Variants in SLAMF1 observed in about 807,000 individuals in gnomAD.
SLAMF1 encodes signaling lymphocytic activation molecule family member 1, also known as signaling lymphocytic activation molecule.
A neutral mutation model predicts 35.1 loss-of-function variants in SLAMF1; 18 were observed. The ratio of observed to expected loss-of-function variants is 0.51; its 90% CI spans 0.35 to 0.76. The LOEUF is 0.76. Among genes scored for constraint, SLAMF1 ranks in the 30% least tolerant of loss-of-function variants. The pLI is 0.01. For missense variants in SLAMF1, 392 were observed against 413.0 expected (o/e 0.95, Z 0.44); for synonymous variants, 168 against 157.2 (o/e 1.07, Z -0.51).
intron 3 of SLAMF1, among the ~76,000 whole-genome samples, chr1:160,629,014 A>G (rs776367010): frequency 3.3e-5 from 5 of 152,182 alleles, no homozygotes; most frequent in Non-Finnish European, 7.3e-5. Flanking sequence ...GGGGTCTAGA[A>G]GCTCCTGACT....
intron 5 of SLAMF1, among the ~76,000 whole-genome samples, chr1:160,619,480 C>G (rs1659490098): frequency 6.6e-6 from 1 of 152,204 alleles, no homozygotes. Flanking sequence ...AAATAATTGA[C>G]TAACATGGAA....
intron 1 of SLAMF1, 122 bp from the exon 2 acceptor site, chr1:160,637,651 C>T: frequency 1.5e-6 from 1 of 678,114 alleles, no homozygotes; most frequent in Non-Finnish European, 2.5e-6. Context: ...CCTGGGGTTG[C>T]CAAGTCCTTC....
rs984357235 is a variant in SLAMF1, at chr1:160,608,133, T to C, written c.*2615A>G. The C allele has an allele frequency of 6.6e-6, 1 of 152,262 alleles. No homozygotes were observed. Among genetic ancestry groups the C allele is most frequent in the African/African-American group, 2.4e-5 (1 of 41,470 alleles). The allele number at this position is 152,262 out of a possible 1,614,324, so 9.4% of individuals were successfully genotyped here. A position where few individuals can be genotyped will look rare whatever the true frequency, so the allele number is the denominator to read the frequency against. On this transcript the variant is annotated 3_prime_UTR_variant, in exon 7 of 7. Coordinates refer to ENST00000302035, the MANE Select transcript of SLAMF1 (RefSeq NM_003037.5). Reference sequence around the variant, plus strand: ...TCCTTGATGGACTGGCTGTAATTTATTCATTTCCAAAAAGTAGAAACATAA... The same window carrying C: ...TCCTTGATGGACTGGCTGTAATTTACTCATTTCCAAAAAGTAGAAACATAA...
chr1:160,633,616 C>A (rs929812273), intron 3 of SLAMF1, among the ~76,000 whole-genome samples: 1 of 152,216 alleles, frequency 6.6e-6, no homozygotes, highest in South Asian at 2.1e-4. Flanking sequence ...GTAAGCAATG[C>A]CTTGCAGAGC....
intron 4 of SLAMF1, among the ~76,000 whole-genome samples, chr1:160,620,601 A>G (rs1659558680): frequency 6.6e-6 from 1 of 152,192 alleles, no homozygotes; most frequent in Admixed American, 6.5e-5. Context: ...ATAAAGTATA[A>G]AGTAAAAAGT....
intron 1 of SLAMF1, among the ~76,000 whole-genome samples, chr1:160,639,447 G>A (rs746659272): frequency 1.2e-4 from 18 of 152,000 alleles, no homozygotes; most frequent in Non-Finnish European, 2.1e-4. Context: ...GGCTGGTTTC[G>A]AACTCCTGAC....
At chr1:160,614,036 T>C (rs1383470667) in intron 5 of SLAMF1, among the ~76,000 whole-genome samples, 4 of 152,216 alleles carry the variant, frequency 2.6e-5, no homozygotes, top group African/African-American at 9.6e-5. Context: ...AGGGCCTGAT[T>C]CTGCATTTCT....
intron 4 of SLAMF1, among the ~76,000 whole-genome samples, chr1:160,621,525 C>T (rs1659607702): frequency 7.2e-6 from 1 of 139,786 alleles, no homozygotes; most frequent in African/African-American, 2.6e-5. Flanking sequence ...TGCCATTGCA[C>T]TCCAGCCTGA....
intron 6 of SLAMF1, among the ~76,000 whole-genome samples, chr1:160,612,012 G>A (rs1342695074): frequency 6.6e-6 from 1 of 152,024 alleles, no homozygotes; most frequent in Non-Finnish European, 1.5e-5. Flanking sequence ...AAGTCCCTAG[G>A]AATCTTTATT....
chr1:160,610,840 C>T (rs376935859), intron 6 of SLAMF1, 42 bp from the exon 7 acceptor site: 24 of 1,410,730 alleles, frequency 1.7e-5, no homozygotes, highest in Non-Finnish European at 2.3e-5. Context: ...GGACTGGATA[C>T]TCACTTCACA....
rs549230424 is a variant in SLAMF1, at chr1:160,631,272, T to G, written c.700+3341A>C. 3.3e-5 allele frequency among the ~76,000 whole-genome samples: 5 copies of G among 152,340 alleles called. No individual in the cohort carries two copies. The South Asian group carries it at 1.0e-3, about 32-fold the overall frequency. On this transcript the variant is annotated intron_variant, in intron 3 of 6. Transcript: ENST00000302035. Reference sequence around the variant, plus strand: ...CGCAGGGCAGGCCACAAACCAGCTGTGTGATCTGGTTCTGAGGCAGGGAAG... The same window carrying G: ...CGCAGGGCAGGCCACAAACCAGCTGGGTGATCTGGTTCTGAGGCAGGGAAG...
At chr1:160,640,325 C>CACATATATATATATATATATATATAT in intron 1 of SLAMF1, among the ~76,000 whole-genome samples, 1 of 94,128 alleles carries the variant, frequency 1.1e-5, no homozygotes, top group African/African-American at 4.2e-5. Context: ...TTAGGTTTGT[C>CACATATATATATATATATATATATAT]ATATATATAT....
At position 160,646,917 on chromosome 1, in the gene SLAMF1, G is replaced by A. The variant is rs146508660; in HGVS notation, c.29C>T (p.Thr10Ile). 2 of 1,606,220 alleles carry A rather than the reference G, an allele frequency of 1.2e-6. No individual in the cohort carries two copies. Among genetic ancestry groups the A allele is most frequent in the African/African-American group, 1.3e-5 (1 of 74,828 alleles). The change falls in exon 1 of 7, where the codon ACC becomes ATC. Residue 10 changes from threonine (T) to isoleucine (I), a missense_variant. Coordinates refer to ENST00000302035, the MANE Select transcript of SLAMF1 (RefSeq NM_003037.5). ...AGCCAGGGAGAGAAACAGCACGAAG[G>A]TCAAGGAGAGGAGCCCCTTGGGATC... MDPKGLLSL[T>I]FVLFLSLAFG...
intron 3 of SLAMF1, among the ~76,000 whole-genome samples, chr1:160,625,666 T>C (rs887059894): frequency 2.0e-5 from 3 of 152,134 alleles, no homozygotes; most frequent in Non-Finnish European, 4.4e-5. Context: ...AGATACCAAC[T>C]TCAACAGTCT....
intron 1 of SLAMF1, among the ~76,000 whole-genome samples, chr1:160,645,903 A>G (rs971391097): frequency 6.6e-6 from 1 of 151,902 alleles, no homozygotes; most frequent in Non-Finnish European, 1.5e-5. Context: ...TGAAAACCCC[A>G]AGCTTAAAAC....
chr1:160,630,179 C>G (rs1162557310), intron 3 of SLAMF1, among the ~76,000 whole-genome samples: 2 of 152,192 alleles, frequency 1.3e-5, no homozygotes, highest in Admixed American at 6.5e-5. Flanking sequence ...AAGTCACACA[C>G]TGTCCACAGC....
At chr1:160,636,041 TC>T (rs1660440206) in intron 2 of SLAMF1, among the ~76,000 whole-genome samples, 1 of 152,150 alleles carries the variant, frequency 6.6e-6, no homozygotes, top group African/African-American at 2.4e-5. Flanking sequence ...TCCAAACTCT[TC>T]CTTTGGCTTG....
rs200063297 is a variant in SLAMF1, at chr1:160,637,547, A to C, written c.77-18T>G. 8.9e-6 allele frequency: 14 copies of C among 1,574,146 alleles called. No individual in the cohort carries two copies. The African/African-American group carries it at 9.4e-5, about 11-fold the overall frequency. On this transcript the variant is annotated intron_variant, in intron 1 of 6. Coordinates refer to ENST00000302035, the MANE Select transcript of SLAMF1 (RefSeq NM_003037.5). ...GCGCCCACCTGTGGGAGGGAGGAGAAGAGAGTCCCTTATTATTAAGGCCTT... is the reference window on the plus strand; with the variant it reads ...GCGCCCACCTGTGGGAGGGAGGAGACGAGAGTCCCTTATTATTAAGGCCTT...
In SLAMF1 at chr1:160,643,343, C is replaced by T. The variant is rs181387310; in HGVS notation, c.76+3527G>A. Among the ~76,000 whole-genome samples, 105 of 152,246 alleles carry T rather than the reference C, an allele frequency of 6.9e-4. 1 individual carries two copies. The highest frequency in any genetic ancestry group is 6.9e-3 in the Admixed American group (105 of 15,306). On this transcript the variant is annotated intron_variant, in intron 1 of 6. Transcript: ENST00000302035. ...CTTCTTGCATGCTGCATAATGATGG[C>T]ACAAGCTTATGCTGGCCTGCTTAGG...
Sources: gnomAD v4.1 joint callset for allele counts (sites outside exome capture counted in the v4.1 genomes callset) on GRCh38, gnomAD v4.1.1 for gene constraint, MANE v1.5 for transcripts, NCBI Gene and HGNC (gene_info 2026-07-23, HGNC 2026-07-21) for gene names.